Variants in FBRSL1 observed in about 807,000 individuals in gnomAD.
The protein encoded by FBRSL1 is fibrosin-1-like protein.
In FBRSL1, 51 loss-of-function variants were observed where a neutral mutation model predicts 89.6. The observed-to-expected ratio is 0.57, with a 90% CI of 0.45 to 0.72. The LOEUF is 0.72. Ranked by LOEUF, FBRSL1 falls within the 30% of genes least tolerant of loss-of-function variation. The probability of loss-of-function intolerance (pLI) is 0.00; values close to 1 mark genes in which losing one functional copy is unlikely to be tolerated. For missense variants in FBRSL1, 1,618 were observed against 1,451.8 expected (o/e 1.11, Z -1.86); for synonymous variants, 779 against 681.1 (o/e 1.14, Z -2.24).
intron 1 of FBRSL1, among the ~76,000 whole-genome samples, chr12:132,494,077 C>T (rs2031587294): frequency 6.6e-6 from 1 of 152,196 alleles, no homozygotes; most frequent in African/African-American, 2.4e-5. Flanking sequence ...TGACTTTCTA[C>T]TCTGTAACCA....
intron 1 of FBRSL1, among the ~76,000 whole-genome samples, chr12:132,491,299 AGAAGGG>A (rs2030899882): frequency 6.6e-6 from 1 of 152,168 alleles, no homozygotes; most frequent in Non-Finnish European, 1.5e-5. Context: ...GGCTCTGCTG[AGAAGGG>A]GAGAAGGAGG....
chr12:132,575,112 C>G (rs2040297492), intron 14 of FBRSL1, among the ~76,000 whole-genome samples: 1 of 152,162 alleles, frequency 6.6e-6, no homozygotes, highest in African/African-American at 2.4e-5. Flanking sequence ...CCCCGTGGGA[C>G]CCTGCACCTC....
chr12:132,507,225 G>A (rs2033796780), intron 1 of FBRSL1: 2 of 985,524 alleles, frequency 2.0e-6, no homozygotes, highest in South Asian at 4.7e-5. Flanking sequence ...TCTGTCCTGG[G>A]CTTCACTGCT....
rs192448140 is a variant in FBRSL1 at position 132,536,891 on chromosome 12, A to C, written c.615+8903A>C. Among the ~76,000 whole-genome samples, 200 of 152,256 alleles carry C rather than the reference A, an allele frequency of 1.3e-3. 1 individual carries two copies. The highest frequency in any genetic ancestry group is 4.5e-3 in the African/African-American group (187 of 41,586). On this transcript the variant is annotated intron_variant, in intron 4 of 18. Transcript: ENST00000680143. The stretch of plus-strand genomic sequence containing the variant: ...TACATAAATGTATGTGGCTGTGCAC[A>C]TGTGTGTACGTAACGGTGTCTTTGC...
chr12:132,548,837 A>G (rs968455793), intron 5 of FBRSL1, among the ~76,000 whole-genome samples: 7 of 152,202 alleles, frequency 4.6e-5, no homozygotes, highest in Non-Finnish European at 1.0e-4. Flanking sequence ...CCCCGGCCTC[A>G]GGGACGGCCC....
At chr12:132,565,673 G>C (rs114051691) in intron 5 of FBRSL1, 1 of 152,280 alleles carries the variant, frequency 6.6e-6, no homozygotes, top group African/African-American at 2.4e-5. Context: ...GTGTGTGTAC[G>C]TGCCCAAGCA....
At chr12:132,509,494 C>A in intron 2 of FBRSL1, 3 of 1,238,430 alleles carry the variant, frequency 2.4e-6, no homozygotes, top group Non-Finnish European at 3.0e-6. Context: ...TCACGCCCGG[C>A]CCAGCCCTGC....
chr12:132,497,087 T>G (rs919752734), intron 1 of FBRSL1, among the ~76,000 whole-genome samples: 12 of 152,270 alleles, frequency 7.9e-5, no homozygotes, highest in African/African-American at 2.7e-4. Context: ...AGTCTGGTAG[T>G]CTTGCTTCCG....
intron 5 of FBRSL1, among the ~76,000 whole-genome samples, chr12:132,567,280 G>A (rs1487593400): frequency 6.6e-6 from 1 of 152,206 alleles, no homozygotes; most frequent in Non-Finnish European, 1.5e-5. Flanking sequence ...GGGCCTGTGT[G>A]CCCCCAGCGT....
intron 5 of FBRSL1, among the ~76,000 whole-genome samples, 170 bp downstream of exon 5, chr12:132,548,202 C>T (rs1394086247): frequency 2.6e-4 from 39 of 152,176 alleles, no homozygotes. Context: ...GGGGTGCTGG[C>T]CTCTCCTGGC....
intron 4 of FBRSL1, among the ~76,000 whole-genome samples, chr12:132,531,680 C>T (rs867580909): frequency 2.6e-5 from 4 of 151,808 alleles, no homozygotes; most frequent in African/African-American, 7.3e-5. Context: ...GTGCACGTGG[C>T]GTTGTGTGTT....
chr12:132,562,130 C>A lies in FBRSL1; in HGVS notation c.646-5351C>A, dbSNP rs9738068. On this transcript the variant is annotated intron_variant, in intron 5 of 18. Transcript: ENST00000680143. ...CGATGCTGGGATGGTCACTGCGTAG[C>A]CTGGGTCACCGGCAGTGGCTGGACG... 2.4e-4 allele frequency among the ~76,000 whole-genome samples: 37 copies of A among 152,230 alleles called. 1 individual carries two copies. The East Asian group carries it at 6.4e-3, about 26-fold the overall frequency.
At chr12:132,500,262 A>G (rs2032753154) in intron 1 of FBRSL1, among the ~76,000 whole-genome samples, 1 of 152,048 alleles carries the variant, frequency 6.6e-6, no homozygotes, top group Non-Finnish European at 1.5e-5. Flanking sequence ...GGCTTTAGGG[A>G]GCAGAGCAGC....
intron 5 of FBRSL1, among the ~76,000 whole-genome samples, chr12:132,550,360 G>A (rs942583142): frequency 7.9e-5 from 12 of 152,274 alleles, no homozygotes; most frequent in Non-Finnish European, 1.2e-4. Flanking sequence ...CTGAGTCCCC[G>A]TGATGGTGGC....
chr12:132,581,596 A>G (rs1593608930), intron 16 of FBRSL1, 80 bp downstream of exon 16: 1 of 1,517,768 alleles, frequency 6.6e-7, no homozygotes, highest in East Asian at 2.5e-5. Context: ...GTGGGCGGGA[A>G]GGTGGCCCCG....
rs574543264 is a variant in FBRSL1 at position 132,574,498 on chromosome 12, G to A, written c.1635G>A (p.Pro545=). ...GCGCTTCCATCCTGTCGCAGAAGCCGGGGAGGTGGTGTGCCGTGCACGTGC... is the reference window on the plus strand; with the variant it reads ...GCGCTTCCATCCTGTCGCAGAAGCCAGGGAGGTGGTGTGCCGTGCACGTGC... ...SDPYRAVVKK[P]GRWCAVHVQI... The change falls in exon 14 of 19, where the codon CCG becomes CCA. Residue 545 remains proline (P), a synonymous_variant. Coordinates refer to ENST00000680143, the MANE Select transcript of FBRSL1 (RefSeq NM_001367871.1). 32 of 1,550,100 alleles carry A rather than the reference G, an allele frequency of 2.1e-5. No individual in the cohort carries two copies. The Middle Eastern group carries it at 6.7e-4, about 32-fold the overall frequency.
At position 132,570,109 on chromosome 12, in the gene FBRSL1, CCGCCCCGCACCGCCA is replaced by C. The variant is rs998419807; in HGVS notation, c.877_891del (p.Ala293_His297del). On this transcript the variant is annotated inframe_deletion, in exon 7 of 19. Coordinates refer to ENST00000680143, the MANE Select transcript of FBRSL1 (RefSeq NM_001367871.1). Reference sequence around the variant, plus strand: ...AATCCCTTGGTGAAGAAGGAACCCCCCGCCCCGCACCGCCACACCCCGCAGCCGCCACCCCCGCAG... The same window carrying C: ...AATCCCTTGGTGAAGAAGGAACCCCCCACCCCGCAGCCGCCACCCCCGCAG... 23 of 1,479,138 alleles carry C rather than the reference CCGCCCCGCACCGCCA, an allele frequency of 1.6e-5. No individual in the cohort carries two copies. Among genetic ancestry groups the C allele is most frequent in the African/African-American group, 1.5e-4 (10 of 67,750 alleles). 91.6% of individuals were successfully genotyped at this position (1,479,138 alleles called of 1,614,324 possible). A position where few individuals can be genotyped will look rare whatever the true frequency, so the allele number is the denominator to read the frequency against.
rs778899126 is a variant in FBRSL1 at position 132,551,680 on chromosome 12, G to T, written c.645+3648G>T. 4 of 426,136 alleles carry T rather than the reference G, an allele frequency of 9.4e-6. 1 individual carries two copies. The highest frequency in any genetic ancestry group is 6.7e-5 in the South Asian group (4 of 59,902). 26.4% of individuals were successfully genotyped at this position (426,136 alleles called of 1,614,324 possible). On this transcript the variant is annotated intron_variant, in intron 5 of 18. Transcript: ENST00000680143. ...TCCTCCACGTGAACAGACTGACCGA[G>T]ACACCTCTCCACCACCTCCCTCACA...
At chr12:132,498,550 C>T (rs918621570) in intron 1 of FBRSL1, among the ~76,000 whole-genome samples, 3 of 152,240 alleles carry the variant, frequency 2.0e-5, no homozygotes, top group Admixed American at 6.5e-5. Context: ...GGGCTGCCCC[C>T]ACCACCCCCA....
Sources: gnomAD v4.1 joint callset for allele counts (sites outside exome capture counted in the v4.1 genomes callset) on GRCh38, gnomAD v4.1.1 for gene constraint, MANE v1.5 for transcripts, NCBI Gene and HGNC (gene_info 2026-07-23, HGNC 2026-07-21) for gene names.